Variants in CDH13 observed in about 807,000 individuals in gnomAD.
CDH13 encodes cadherin 13, also known as cadherin-13.
In CDH13, 24 loss-of-function variants were observed where a neutral mutation model predicts 63.8. The ratio of observed to expected loss-of-function variants is 0.38; its 90% confidence interval spans 0.27 to 0.53. CDH13 has a LOEUF of 0.53. Among genes scored for constraint, CDH13 ranks in the 20% least tolerant of loss-of-function variants. The pLI is 0.85. For synonymous variants in CDH13, 503 were observed against 355.3 expected (o/e 1.42, Z -4.67); for missense variants, 1,049 against 903.1 (o/e 1.16, Z -2.07).
chr16:83,017,263 T>C (rs1044373670), intron 2 of CDH13, among the ~76,000 whole-genome samples: 1 of 152,196 alleles, frequency 6.6e-6, no homozygotes, highest in East Asian at 1.9e-4. Flanking sequence ...ATCTGCTGTC[T>C]GGATTTTTGC....
chr16:83,368,732 T>G (rs2091301209), intron 6 of CDH13, among the ~76,000 whole-genome samples: 1 of 151,666 alleles, frequency 6.6e-6, no homozygotes. Context: ...TGCATCCTTA[T>G]AGCTTAGCTC....
chr16:82,694,573 C>T (rs1292557016), intron 1 of CDH13, among the ~76,000 whole-genome samples: 1 of 152,152 alleles, frequency 6.6e-6, no homozygotes, highest in Non-Finnish European at 1.5e-5. Flanking sequence ...CTCCCAGGCC[C>T]ATTCCCAATC....
chr16:83,518,768 G>T (rs1019423401), intron 7 of CDH13, among the ~76,000 whole-genome samples: 3 of 152,116 alleles, frequency 2.0e-5, no homozygotes, highest in African/African-American at 7.2e-5. Context: ...ACCGAGCCCG[G>T]CCGATGTGAT....
chr16:83,296,795 C>A (rs1385143679), intron 5 of CDH13, among the ~76,000 whole-genome samples: 2 of 152,164 alleles, frequency 1.3e-5, no homozygotes, highest in Non-Finnish European at 2.9e-5. Flanking sequence ...ATTGCATGTA[C>A]ACCCAATAAC....
chr16:83,377,791 A>G (rs1279617225), intron 6 of CDH13, among the ~76,000 whole-genome samples: 5 of 152,168 alleles, frequency 3.3e-5, no homozygotes, highest in Non-Finnish European at 7.4e-5. Context: ...CAAAGGCAAG[A>G]GAAGTGAGAT....
intron 5 of CDH13, among the ~76,000 whole-genome samples, chr16:83,280,773 G>T (rs1170055402): frequency 1.2e-4 from 18 of 152,208 alleles, no homozygotes; most frequent in Admixed American, 9.2e-4. Flanking sequence ...TTGAAAAATA[G>T]ATGTTGTGTT....
At chr16:83,261,255 T>C (rs1906955019) in intron 5 of CDH13, among the ~76,000 whole-genome samples, 1 of 152,082 alleles carries the variant, frequency 6.6e-6, no homozygotes, top group East Asian at 1.9e-4. Flanking sequence ...GAGAGGAAGG[T>C]AAGTGCTTTT....
intron 2 of CDH13, among the ~76,000 whole-genome samples, chr16:82,931,417 G>C (rs1271984838): frequency 6.6e-6 from 1 of 152,078 alleles, no homozygotes; most frequent in Admixed American, 6.5e-5. Flanking sequence ...TTTTCAAAAT[G>C]CTTCAGCCAT....
intron 1 of CDH13, among the ~76,000 whole-genome samples, chr16:82,811,826 A>G (rs2037459439): frequency 6.6e-6 from 1 of 152,184 alleles, no homozygotes; most frequent in Non-Finnish European, 1.5e-5. Flanking sequence ...TTATAGGGTT[A>G]TGGCTTACAC....
intron 1 of CDH13, among the ~76,000 whole-genome samples, chr16:82,661,005 C>A (rs894870118): frequency 6.6e-6 from 1 of 152,118 alleles, no homozygotes; most frequent in Non-Finnish European, 1.5e-5. Context: ...ACCTTCTCCC[C>A]TCCTGGGGAC....
chr16:82,673,891 T>A (rs1294993081), intron 1 of CDH13, among the ~76,000 whole-genome samples: 1 of 152,230 alleles, frequency 6.6e-6, no homozygotes, highest in African/African-American at 2.4e-5. Flanking sequence ...AAAACTAAAA[T>A]TCTATCCAGG....
chr16:83,434,362 C>G (rs765864518), intron 6 of CDH13, among the ~76,000 whole-genome samples: 1 of 152,150 alleles, frequency 6.6e-6, no homozygotes, highest in Non-Finnish European at 1.5e-5. Context: ...ATTTGTGTGA[C>G]AGAGATGACA....
chr16:83,786,546 T>C (rs2432564), intron 13 of CDH13, among the ~76,000 whole-genome samples: 130,083 of 151,610 alleles, frequency 0.86, 55,825 homozygotes, highest in Admixed American at 0.88. Context: ...TTTTTTCTTC[T>C]TTCCTTTGTC....
chr16:83,013,271 C>T (rs1391926617), intron 2 of CDH13, among the ~76,000 whole-genome samples: 1 of 152,146 alleles, frequency 6.6e-6, no homozygotes, highest in Non-Finnish European at 1.5e-5. Context: ...TTTACAAAAA[C>T]AGTAGTGGGC....
intron 8 of CDH13, among the ~76,000 whole-genome samples, chr16:83,615,616 T>G (rs1184625935): frequency 6.6e-6 from 1 of 152,146 alleles, no homozygotes; most frequent in Non-Finnish European, 1.5e-5. Flanking sequence ...TATCTCATAT[T>G]TTGTACAGAA....
chr16:83,151,537 A>G (rs774729536), intron 4 of CDH13, among the ~76,000 whole-genome samples: 12 of 152,200 alleles, frequency 7.9e-5, no homozygotes, highest in Non-Finnish European at 1.5e-4. Context: ...AACCCCTAAA[A>G]GGCGGTGGAT....
Position 82,795,619 on chromosome 16 carries a change from C to A in CDH13, c.46-62743C>A, listed in dbSNP as rs189067504. Among the ~76,000 whole-genome samples, 609 of 152,284 alleles carry A rather than the reference C, an allele frequency of 4.0e-3. 6 individuals are homozygous for A. The highest frequency in any genetic ancestry group is 0.014 in the African/African-American group (583 of 41,556). ...GAAGGTTTAAGGAGAAGCTTACACA[C>A]CTCACCCAAGGTCCTACAGTTGTTA... On this transcript the variant is annotated intron_variant, in intron 1 of 13. Coordinates refer to ENST00000567109, the MANE Select transcript of CDH13 (RefSeq NM_001257.5).
At chr16:83,324,326 C>A (rs566790794) in intron 5 of CDH13, among the ~76,000 whole-genome samples, 1 of 152,304 alleles carries the variant, frequency 6.6e-6, no homozygotes, top group Non-Finnish European at 1.5e-5. Flanking sequence ...TGAGCCACTG[C>A]TCCCGGCCTC....
chr16:83,279,869 A>T (rs1298705057), intron 5 of CDH13, among the ~76,000 whole-genome samples: 1 of 151,852 alleles, frequency 6.6e-6, no homozygotes, highest in Non-Finnish European at 1.5e-5. Context: ...TCCAGTACAT[A>T]TAGAAGCTCC....
Sources: gnomAD v4.1 joint callset for allele counts (sites outside exome capture counted in the v4.1 genomes callset) on GRCh38, gnomAD v4.1.1 for gene constraint, MANE v1.5 for transcripts, NCBI Gene and HGNC (gene_info 2026-07-23, HGNC 2026-07-21) for gene names.